Variants in HS3ST2 observed in about 807,000 individuals in gnomAD.
HS3ST2 encodes the protein heparan sulfate-glucosamine 3-sulfotransferase 2.
HS3ST2 carries 17 observed loss-of-function variants against 26.3 expected under a neutral mutation model. That is an observed-to-expected ratio of 0.65 (90% CI 0.44 to 0.97). The LOEUF (loss-of-function observed/expected upper bound fraction) is 0.97. Ranked by LOEUF, HS3ST2 falls within the 50% of genes least tolerant of loss-of-function variation. HS3ST2 has a pLI of 0.00. For missense variants in HS3ST2, 402 were observed against 501.2 expected, an observed-to-expected ratio of 0.80 and a Z score of 1.89; for synonymous variants, 237 against 219.2, an observed-to-expected ratio of 1.08 and a Z score of -0.72.
chr16:22,815,345 T>A (rs1900848565), intron 1 of HS3ST2, among the ~76,000 whole-genome samples: 1 of 152,112 alleles, frequency 6.6e-6, no homozygotes, highest in Non-Finnish European at 1.5e-5. Flanking sequence ...TTATCTCCAG[T>A]CAAACCTAAG....
At chr16:22,823,251 A>G (rs1305787997) in intron 1 of HS3ST2, among the ~76,000 whole-genome samples, 5 of 152,212 alleles carry the variant, frequency 3.3e-5, no homozygotes, top group Admixed American at 2.6e-4. Context: ...AGTGATTTCC[A>G]TCTTTGCTTA....
intron 1 of HS3ST2, among the ~76,000 whole-genome samples, chr16:22,892,187 G>A (rs989874662): frequency 8.6e-5 from 13 of 151,762 alleles, no homozygotes; most frequent in African/African-American, 2.9e-4. Flanking sequence ...CTACTCAGGA[G>A]GCTGAGGCAG....
intron 1 of HS3ST2, among the ~76,000 whole-genome samples, chr16:22,825,015 G>T (rs1056340567): frequency 2.6e-5 from 4 of 152,278 alleles, no homozygotes; most frequent in African/African-American, 7.2e-5. Flanking sequence ...GAGAGGGAGA[G>T]AAGCCCGGAT....
intron 1 of HS3ST2, among the ~76,000 whole-genome samples, chr16:22,844,797 C>A (rs1024442511): frequency 3.9e-5 from 6 of 152,138 alleles, no homozygotes; most frequent in Admixed American, 3.9e-4. Flanking sequence ...GAGGCCTCCC[C>A]AGCCATGCTT....
rs542135417 is a variant in HS3ST2 at position 22,846,415 on chromosome 16, A to C, written c.485+31320A>C. Reference sequence around the variant, plus strand: ...TCTCACCTCTAATGCCTCCCTTGTTATATTCCTGGTCTTATTTTGTACCTT... The same window carrying C: ...TCTCACCTCTAATGCCTCCCTTGTTCTATTCCTGGTCTTATTTTGTACCTT... On this transcript the variant is annotated intron_variant, in intron 1 of 1. Transcript: ENST00000261374. Among the ~76,000 whole-genome samples the C allele has an allele frequency of 2.6e-5, 4 of 152,168 alleles. No individual in the cohort carries two copies. In the East Asian group the frequency reaches 7.7e-4, roughly 29 times the overall value.
intron 1 of HS3ST2, among the ~76,000 whole-genome samples, chr16:22,887,330 CA>C (rs1902073719): frequency 6.6e-6 from 1 of 152,198 alleles, no homozygotes; most frequent in Admixed American, 6.5e-5. Context: ...AAGGTGCTGG[CA>C]GATTCAGTGT....
chr16:22,889,674 T>C (rs1427330153), intron 1 of HS3ST2, among the ~76,000 whole-genome samples: 1 of 152,206 alleles, frequency 6.6e-6, no homozygotes, highest in East Asian at 1.9e-4. Context: ...ATTTTAGATG[T>C]GTGGAAACTG....
chr16:22,906,556 G>C (rs988373404), intron 1 of HS3ST2, among the ~76,000 whole-genome samples: 2 of 152,176 alleles, frequency 1.3e-5, no homozygotes, highest in Non-Finnish European at 1.5e-5. Context: ...CCTTGGGCTA[G>C]AGACAGTGTA....
intron 1 of HS3ST2, among the ~76,000 whole-genome samples, chr16:22,845,761 G>A (rs73543169): frequency 0.018 from 2,710 of 152,274 alleles, 76 homozygotes; most frequent in African/African-American, 0.061. Context: ...CATTTGTTTA[G>A]CAACACAAGA....
At chr16:22,849,566 A>G (rs1901490792) in intron 1 of HS3ST2, among the ~76,000 whole-genome samples, 1 of 152,196 alleles carries the variant, frequency 6.6e-6, no homozygotes, top group South Asian at 2.1e-4. Context: ...CATGTCCAAC[A>G]AGTATCAATG....
chr16:22,881,355 CAGG>C (rs1193229094), intron 1 of HS3ST2, among the ~76,000 whole-genome samples: 3 of 152,264 alleles, frequency 2.0e-5, no homozygotes, highest in South Asian at 2.1e-4. Flanking sequence ...TTTGCGCTGT[CAGG>C]AGGAGACAGG....
At chr16:22,876,044 C>T (rs1168082077) in intron 1 of HS3ST2, among the ~76,000 whole-genome samples, 1 of 152,166 alleles carries the variant, frequency 6.6e-6, no homozygotes, top group Non-Finnish European at 1.5e-5. Flanking sequence ...AACAAAGTTG[C>T]CTATTGTCAC....
chr16:22,884,667 T>A (rs1481525934), intron 1 of HS3ST2, among the ~76,000 whole-genome samples: 1 of 140,562 alleles, frequency 7.1e-6, no homozygotes, highest in East Asian at 2.0e-4. Context: ...AAAATATATA[T>A]ATATATATAT....
intron 1 of HS3ST2, among the ~76,000 whole-genome samples, chr16:22,843,062 G>A (rs898708250): frequency 6.6e-6 from 1 of 152,082 alleles, no homozygotes; most frequent in African/African-American, 2.4e-5. Flanking sequence ...GACATGTTGT[G>A]TAGGGAAAAA....
intron 1 of HS3ST2, among the ~76,000 whole-genome samples, chr16:22,829,153 G>A (rs1901133198): frequency 1.3e-5 from 2 of 152,230 alleles, no homozygotes; most frequent in East Asian, 3.8e-4. Flanking sequence ...GAAGTTCTGA[G>A]CTGTTCTGAA....
intron 1 of HS3ST2, among the ~76,000 whole-genome samples, chr16:22,911,419 T>C (rs761429201): frequency 3.3e-5 from 5 of 152,230 alleles, no homozygotes; most frequent in Admixed American, 2.0e-4. Flanking sequence ...AGGGACAAGG[T>C]TGTAATCTGT....
chr16:22,859,335 G>A (rs1010998495), intron 1 of HS3ST2, among the ~76,000 whole-genome samples: 2 of 152,164 alleles, frequency 1.3e-5, no homozygotes, highest in Non-Finnish European at 2.9e-5. Context: ...TTTGCAAACT[G>A]TGCAAACTGC....
chr16:22,820,171 C>A (rs572150040), intron 1 of HS3ST2, among the ~76,000 whole-genome samples: 1 of 151,866 alleles, frequency 6.6e-6, no homozygotes, highest in East Asian at 1.9e-4. Flanking sequence ...GTCCATAAAC[C>A]CCCCCCCATT....
chr16:22,907,615 G>GA (rs1303409023), intron 1 of HS3ST2, among the ~76,000 whole-genome samples: 8 of 152,198 alleles, frequency 5.3e-5, no homozygotes, highest in Non-Finnish European at 8.8e-5. Context: ...CTCCTTTCAT[G>GA]ATGATATTTG....
Sources: gnomAD v4.1 joint callset for allele counts (sites outside exome capture counted in the v4.1 genomes callset) on GRCh38, gnomAD v4.1.1 for gene constraint, MANE v1.5 for transcripts, NCBI Gene and HGNC (gene_info 2026-07-23, HGNC 2026-07-21) for gene names.